Variants in DLG2 observed in about 807,000 individuals in gnomAD.
The protein encoded by DLG2 is discs large MAGUK scaffold protein 2, also known as disks large homolog 2.
DLG2 carries 45 observed loss-of-function variants against 132.5 expected under a neutral mutation model. That is an observed-to-expected ratio of 0.34 (90% CI 0.27 to 0.44). The LOEUF (loss-of-function observed/expected upper bound fraction) is 0.44. Ranked by LOEUF, DLG2 falls within the 20% of genes least tolerant of loss-of-function variation. The pLI, the probability that DLG2 is intolerant of heterozygous loss-of-function variation, is 1.00. For missense variants in DLG2, 1,045 were observed against 1,196.9 expected (o/e 0.87, Z 1.87); for synonymous variants, 424 against 419.6 (o/e 1.01, Z -0.13).
intron 7 of DLG2, among the ~76,000 whole-genome samples, chr11:84,531,757 G>T (rs1231998755): frequency 1.3e-5 from 2 of 152,192 alleles, no homozygotes; most frequent in Non-Finnish European, 2.9e-5. Flanking sequence ...TCTTAAAACT[G>T]ACATGAGGTG....
At chr11:83,944,382 T>C (rs2083330363) in intron 14 of DLG2, among the ~76,000 whole-genome samples, 1 of 152,230 alleles carries the variant, frequency 6.6e-6, no homozygotes, top group Non-Finnish European at 1.5e-5. Context: ...CCAAAGTCTT[T>C]CATGCAGGTT....
intron 6 of DLG2, among the ~76,000 whole-genome samples, chr11:84,956,510 C>A (rs1034081345): frequency 3.3e-5 from 5 of 152,196 alleles, no homozygotes; most frequent in African/African-American, 1.2e-4. Context: ...CACAGTAGGT[C>A]TTGGCCAAGA....
At chr11:83,758,251 C>T (rs1462253554) in intron 18 of DLG2, among the ~76,000 whole-genome samples, 2 of 152,120 alleles carry the variant, frequency 1.3e-5, no homozygotes, top group Non-Finnish European at 2.9e-5. Flanking sequence ...CCACCAGGAT[C>T]TAGTTCAGCC....
intron 6 of DLG2, among the ~76,000 whole-genome samples, chr11:84,754,165 C>T (rs1174110936): frequency 6.6e-6 from 1 of 152,168 alleles, no homozygotes; most frequent in Non-Finnish European, 1.5e-5. Context: ...GAAATTAAGA[C>T]AGTGATTCTA....
intron 7 of DLG2, among the ~76,000 whole-genome samples, chr11:84,338,667 G>A (rs1010073589): frequency 3.9e-5 from 6 of 152,054 alleles, no homozygotes; most frequent in Admixed American, 1.3e-4. Context: ...ATTAGTTGGT[G>A]TGGTGGCAGT....
intron 17 of DLG2, among the ~76,000 whole-genome samples, chr11:83,799,918 G>A (rs1205822303): frequency 6.6e-6 from 1 of 152,186 alleles, no homozygotes; most frequent in Non-Finnish European, 1.5e-5. Context: ...AGATGTAGAA[G>A]AAGCTTGATA....
intron 2 of DLG2, among the ~76,000 whole-genome samples, chr11:85,605,983 A>G (rs1352082794): frequency 6.7e-6 from 1 of 150,306 alleles, no homozygotes; most frequent in East Asian, 1.9e-4. Flanking sequence ...GTCTCAAAGA[A>G]AAAAAAAAAG....
intron 7 of DLG2, among the ~76,000 whole-genome samples, chr11:84,379,047 C>T (rs1349547566): frequency 1.3e-5 from 2 of 150,694 alleles, no homozygotes; most frequent in African/African-American, 2.4e-5. Context: ...AACAAATACA[C>T]ATTATTTCTT....
At chr11:85,516,075 T>C (rs1378584196) in intron 3 of DLG2, among the ~76,000 whole-genome samples, 1 of 151,972 alleles carries the variant, frequency 6.6e-6, no homozygotes, top group East Asian at 1.9e-4. Flanking sequence ...CTCTCTCTGC[T>C]AAATCTTAAT....
chr11:83,869,498 G>A (rs143746310), intron 16 of DLG2, among the ~76,000 whole-genome samples: 6 of 152,264 alleles, frequency 3.9e-5, no homozygotes, highest in African/African-American at 1.4e-4. Context: ...TATGGGAAGG[G>A]TGTCTTTTGT....
At chr11:85,117,806 A>G (rs2073840685) in intron 5 of DLG2, among the ~76,000 whole-genome samples, 1 of 152,032 alleles carries the variant, frequency 6.6e-6, no homozygotes. Flanking sequence ...AGCAATTTTA[A>G]TTAATACATT....
chr11:84,208,612 G>A (rs1448875095), intron 8 of DLG2, among the ~76,000 whole-genome samples: 3 of 151,926 alleles, frequency 2.0e-5, no homozygotes, highest in African/African-American at 7.3e-5. Context: ...CCAAAGTGCT[G>A]GGATTACAGG....
At position 85,029,983 on chromosome 11, in the gene DLG2, T is replaced by A. The variant is rs540020508; in HGVS notation, c.357+81678A>T. ...AAGGCAAAGAGCGAGCTGTAACCAA[T>A]CCAGTTGTTTCTGTACCTCACTTCT... On this transcript the variant is annotated intron_variant, in intron 6 of 27. Coordinates refer to ENST00000376104, the MANE Select transcript of DLG2 (RefSeq NM_001142699.3). 2.0e-5 allele frequency among the ~76,000 whole-genome samples: 3 copies of A among 152,262 alleles called. No individual in the cohort carries two copies. The South Asian group carries it at 6.2e-4, about 32-fold the overall frequency.
chr11:85,168,575 T>C (rs965423940), intron 4 of DLG2, among the ~76,000 whole-genome samples: 2 of 151,924 alleles, frequency 1.3e-5, no homozygotes, highest in Non-Finnish European at 2.9e-5. Flanking sequence ...CAAAGAAGGG[T>C]TGAGGTGAGA....
chr11:84,524,882 G>A (rs558366945), intron 7 of DLG2, among the ~76,000 whole-genome samples: 120 of 145,666 alleles, frequency 8.2e-4, no homozygotes, highest in Middle Eastern at 7.0e-3. Flanking sequence ...AATCAAATAC[G>A]TATTTTAAAA....
chr11:85,108,383 T>C (rs1215648847), intron 6 of DLG2, among the ~76,000 whole-genome samples: 1 of 152,072 alleles, frequency 6.6e-6, no homozygotes, highest in Non-Finnish European at 1.5e-5. Flanking sequence ...TATAACTTTC[T>C]TCAGTCCTTG....
chr11:83,687,414 C>T (rs1353570031), intron 18 of DLG2, among the ~76,000 whole-genome samples: 4 of 152,060 alleles, frequency 2.6e-5, no homozygotes, highest in African/African-American at 4.8e-5. Context: ...TGCACAGTGG[C>T]GGTGGTTCTT....
chr11:84,789,538 C>G (rs967801221), intron 6 of DLG2, among the ~76,000 whole-genome samples: 1 of 152,000 alleles, frequency 6.6e-6, no homozygotes, highest in South Asian at 2.1e-4. Flanking sequence ...CCCCTCAAGC[C>G]TTTATCCCTT....
At chr11:84,875,565 C>T (rs1306863049) in intron 6 of DLG2, among the ~76,000 whole-genome samples, 1 of 151,840 alleles carries the variant, frequency 6.6e-6, no homozygotes, top group Non-Finnish European at 1.5e-5. Context: ...TCCTTTCTCC[C>T]ACCAAACAAT....
Sources: gnomAD v4.1 joint callset for allele counts (sites outside exome capture counted in the v4.1 genomes callset) on GRCh38, gnomAD v4.1.1 for gene constraint, MANE v1.5 for transcripts, NCBI Gene and HGNC (gene_info 2026-07-23, HGNC 2026-07-21) for gene names.